The following DOCK1 variants were observed in gnomAD, a reference collection of about 807,000 sequenced individuals.
DOCK1 encodes the protein dedicator of cytokinesis protein 1.
Under a neutral mutation model 262.7 loss-of-function variants are expected in DOCK1, and 138 were observed. The ratio of observed to expected loss-of-function variants is 0.53; its 90% CI spans 0.46 to 0.61. The LOEUF (loss-of-function observed/expected upper bound fraction) is 0.61. Among genes scored for constraint, DOCK1 ranks in the 20% least tolerant of loss-of-function variants. DOCK1 has a pLI of 0.00. For missense variants in DOCK1, 1,908 were observed against 2,370.7 expected, an observed-to-expected ratio of 0.80 and a Z score of 4.05; for synonymous variants, 866 against 867.4, an observed-to-expected ratio of 1.00 and a Z score of 0.03.
At chr10:127,395,372 T>A (rs1181795984) in intron 38 of DOCK1, among the ~76,000 whole-genome samples, 1 of 152,134 alleles carries the variant, frequency 6.6e-6, no homozygotes. Flanking sequence ...GGCCTCTGTT[T>A]TGAGGCCACT....
At chr10:127,328,950 T>C (rs1047128181) in intron 29 of DOCK1, among the ~76,000 whole-genome samples, 2 of 151,246 alleles carry the variant, frequency 1.3e-5, no homozygotes, top group African/African-American at 4.8e-5. Flanking sequence ...TAAATAAATA[T>C]TATATATATG....
At chr10:127,253,672 A>C (rs1282629724) in intron 28 of DOCK1, among the ~76,000 whole-genome samples, 2 of 152,048 alleles carry the variant, frequency 1.3e-5, no homozygotes, top group Non-Finnish European at 2.9e-5. Flanking sequence ...CCAGAAATTC[A>C]AGACCAGCCT....
rs2064494071 is a variant in DOCK1, at chr10:127,362,140, G to A, written c.3360G>A (p.Leu1120=). 5 of 1,613,886 alleles carry A rather than the reference G, an allele frequency of 3.1e-6. No homozygotes were observed. The highest frequency in any genetic ancestry group is 1.1e-5 in the South Asian group (1 of 91,040). ...TGACATTAATTCCCGAGACGGAGCTGCGCAAAGCCACCATCCCCATCTTCT... is the reference window on the plus strand; with the variant it reads ...TGACATTAATTCCCGAGACGGAGCTACGCAAAGCCACCATCCCCATCTTCT... The part of the protein sequence containing the change: ...LEMTLIPETE[L]RKATIPIFFD... Residue 1120 remains leucine, a synonymous_variant, in exon 33 of 52, where the codon CTG becomes CTA. Coordinates refer to ENST00000623213, the MANE Select transcript of DOCK1 (RefSeq NM_001290223.2).
chr10:127,262,173 G>GGTGT (rs200011342), intron 29 of DOCK1, among the ~76,000 whole-genome samples: 5 of 72,596 alleles, frequency 6.9e-5, no homozygotes, highest in Non-Finnish European at 1.1e-4. Flanking sequence ...TGTGCATGTG[G>GGTGT]GTGTGTGTGT....
chr10:127,195,519 C>T (rs951947537), intron 27 of DOCK1, among the ~76,000 whole-genome samples: 10 of 149,728 alleles, frequency 6.7e-5, no homozygotes, highest in African/African-American at 2.4e-4. Context: ...TCTGTTCCAA[C>T]TCATCCCCCC....
At chr10:126,912,643 G>A (rs549047316) in intron 1 of DOCK1, among the ~76,000 whole-genome samples, 14 of 150,598 alleles carry the variant, frequency 9.3e-5, no homozygotes, top group East Asian at 2.0e-4. Context: ...GGAGAATGGC[G>A]TGAACCCGGG....
At chr10:127,171,229 A>C (rs923532886) in intron 27 of DOCK1, among the ~76,000 whole-genome samples, 2 of 152,234 alleles carry the variant, frequency 1.3e-5, no homozygotes, top group Non-Finnish European at 2.9e-5. Flanking sequence ...CTTACGAAAA[A>C]TAATTTGGAA....
rs768438077 is a variant in DOCK1 at position 127,042,622 on chromosome 10, C to T, written c.2011-3C>T. On this transcript the variant is annotated splice_polypyrimidine_tract_variant and splice_region_variant and intron_variant, in intron 19 of 51. Coordinates refer to ENST00000623213, the MANE Select transcript of DOCK1 (RefSeq NM_001290223.2). ...TGTCACCCGACCTTCTGTGTCTATG[C>T]AGTTTCTTCAGGACACGTTGGATGC... 3.1e-6 allele frequency: 5 copies of T among 1,613,798 alleles called. No individual in the cohort carries two copies. In the South Asian group the frequency reaches 5.5e-5, roughly 18 times the overall value.
rs1041478808 is a variant in DOCK1 at position 126,984,659 on chromosome 10, G to A, written c.227+2686G>A. Among the ~76,000 whole-genome samples the A allele has an allele frequency of 1.7e-4, 26 of 151,978 alleles. No individual in the cohort carries two copies. In the East Asian group the frequency reaches 4.5e-3, roughly 26 times the overall value. ...GCTGGGATTACAGATGTGAGCCACC[G>A]CACCCGGCCAAAAAATTATTTTTAG... On this transcript the variant is annotated intron_variant, in intron 4 of 51. Coordinates refer to ENST00000623213, the MANE Select transcript of DOCK1 (RefSeq NM_001290223.2).
intron 29 of DOCK1, among the ~76,000 whole-genome samples, chr10:127,323,314 G>T (rs2062617349): frequency 6.6e-6 from 1 of 152,158 alleles, no homozygotes; most frequent in African/African-American, 2.4e-5. Flanking sequence ...GCTGGTGTGT[G>T]TCTTGCACCA....
At chr10:127,033,344 G>A (rs1325644187) in intron 18 of DOCK1, among the ~76,000 whole-genome samples, 2 of 152,304 alleles carry the variant, frequency 1.3e-5, no homozygotes, top group South Asian at 2.1e-4. Flanking sequence ...GGGTTTGGCC[G>A]ATGCTTTGAG....
chr10:127,347,019 G>A (rs938110477), intron 31 of DOCK1, among the ~76,000 whole-genome samples: 4 of 152,210 alleles, frequency 2.6e-5, no homozygotes, highest in African/African-American at 9.6e-5. Flanking sequence ...CGGCACACAC[G>A]TGTGGAGGGT....
intron 29 of DOCK1, among the ~76,000 whole-genome samples, chr10:127,327,734 C>G (rs897176963): frequency 1.3e-5 from 2 of 152,196 alleles, no homozygotes; most frequent in Admixed American, 6.5e-5. Flanking sequence ...TATTGAACAG[C>G]TGGTAGGACC....
chr10:127,108,989 T>G (rs1309222013), intron 24 of DOCK1, among the ~76,000 whole-genome samples: 1 of 152,202 alleles, frequency 6.6e-6, no homozygotes, highest in Non-Finnish European at 1.5e-5. Context: ...TGAGTTGTAT[T>G]CAAGTTTTTT....
intron 27 of DOCK1, among the ~76,000 whole-genome samples, chr10:127,169,266 C>G (rs2054349365): frequency 6.6e-6 from 1 of 152,172 alleles, no homozygotes. Context: ...TATATTTGAA[C>G]AGCCTGAATG....
At chr10:126,984,701 T>C (rs1421418272) in intron 4 of DOCK1, among the ~76,000 whole-genome samples, 1 of 152,164 alleles carries the variant, frequency 6.6e-6, no homozygotes, top group Admixed American at 6.5e-5. Context: ...CAAATAAAAA[T>C]TGTATGTATT....
At chr10:127,270,115 C>T (rs920452704) in intron 29 of DOCK1, among the ~76,000 whole-genome samples, 7 of 152,210 alleles carry the variant, frequency 4.6e-5, no homozygotes, top group African/African-American at 1.7e-4. Flanking sequence ...AGCTGCCATC[C>T]TTCTCTCCTG....
chr10:127,427,306 G>A (rs138710935), intron 47 of DOCK1, among the ~76,000 whole-genome samples: 2 of 152,308 alleles, frequency 1.3e-5, no homozygotes, highest in African/African-American at 2.4e-5. Flanking sequence ...ACCAGGTGTC[G>A]AGTGGGGTGT....
At position 127,026,335 on chromosome 10, in the gene DOCK1, T is replaced by A. The variant is rs758006099; in HGVS notation, c.1552-17T>A. The stretch of plus-strand genomic sequence containing the variant: ...ATATTGATAACAGTGCTTAAACTTC[T>A]TTTTCAATTCTTGAAGGTGGCCATT... On this transcript the variant is annotated splice_polypyrimidine_tract_variant and intron_variant, in intron 15 of 51. Transcript: ENST00000623213. 1.3e-6 allele frequency: 2 copies of A among 1,555,736 alleles called. No homozygotes were observed. Among genetic ancestry groups the A allele is most frequent in the Non-Finnish European group, 1.7e-6 (2 of 1,148,798 alleles).
Sources: allele counts gnomAD v4.1 joint callset (sites outside exome capture counted in the v4.1 genomes callset), GRCh38; gene constraint gnomAD v4.1.1; transcripts MANE v1.5; gene names NCBI Gene and HGNC (gene_info 2026-07-23, HGNC 2026-07-21).